AKT3: variants seen among roughly 807,000 people sequenced by gnomAD.
AKT3 encodes RAC-gamma serine/threonine-protein kinase.
Under a neutral mutation model 65.3 loss-of-function variants are expected in AKT3, and 15 were observed. The observed-to-expected ratio is 0.23, with a 90% CI of 0.15 to 0.35. AKT3 has a LOEUF of 0.35. Among genes scored for constraint, AKT3 ranks in the 10% least tolerant of loss-of-function variants. The probability of loss-of-function intolerance (pLI) is 1.00; values close to 1 mark genes in which losing one functional copy is unlikely to be tolerated. For missense variants in AKT3, 243 were observed against 576.5 expected (o/e 0.42, Z 5.92); for synonymous variants, 206 against 183.8 (o/e 1.12, Z -0.98).
chr1:243,504,078 T>C lies in AKT3; in HGVS notation c.*1171A>G, dbSNP rs1669513641. On this transcript the variant is annotated 3_prime_UTR_variant, in exon 14 of 14. Coordinates refer to ENST00000673466, the MANE Select transcript of AKT3 (RefSeq NM_005465.7). Reference sequence around the variant, plus strand: ...CAATATATTCCATTTCAGAGCCTTATCATTTTTTTTAACAGAGGAGAAAAA... The same window carrying C: ...CAATATATTCCATTTCAGAGCCTTACCATTTTTTTTAACAGAGGAGAAAAA... 1 of 223,912 alleles carries C rather than the reference T, an allele frequency of 4.5e-6. No homozygotes were observed. The highest frequency in any genetic ancestry group is 8.9e-6 in the Non-Finnish European group (1 of 112,028). The allele number at this position is 223,912 out of a possible 1,614,324, so 13.9% of individuals were successfully genotyped here.
intron 2 of AKT3, among the ~76,000 whole-genome samples, chr1:243,730,662 G>A (rs1366260256): frequency 6.6e-6 from 1 of 152,210 alleles, no homozygotes; most frequent in African/African-American, 2.4e-5. Context: ...GCTGGGGTGA[G>A]GTGGTGGGAC....
At chr1:243,758,792 G>A (rs994376301) in intron 2 of AKT3, among the ~76,000 whole-genome samples, 5 of 152,152 alleles carry the variant, frequency 3.3e-5, no homozygotes, top group Non-Finnish European at 5.9e-5. Flanking sequence ...GACAGGAGGC[G>A]GAGCTTAGGT....
chr1:243,808,834 C>A (rs1358697406), intron 2 of AKT3, among the ~76,000 whole-genome samples: 1 of 152,162 alleles, frequency 6.6e-6, no homozygotes, highest in South Asian at 2.1e-4. Flanking sequence ...GCTGATCTCT[C>A]GGCAGAAACT....
In AKT3 at chr1:243,620,213, T is replaced by C. The variant is rs1283354188; in HGVS notation, c.562-5052A>G. Among the ~76,000 whole-genome samples the C allele has an allele frequency of 2.0e-5, 2 of 98,214 alleles. 1 individual carries two copies. Among genetic ancestry groups the C allele is most frequent in the Non-Finnish European group, 5.7e-5 (2 of 35,136 alleles). The allele number at this position is 98,214 out of a possible 152,430, so 64.4% of individuals were successfully genotyped here. On this transcript the variant is annotated intron_variant, in intron 6 of 13. Transcript: ENST00000673466. ...CAGTTCCTCTTCACACACTCGCCCT[T>C]TCTTCGCCTGATACCACACAAGACA...
chr1:243,767,959 T>TC (rs1224976383), intron 2 of AKT3, among the ~76,000 whole-genome samples: 1 of 151,820 alleles, frequency 6.6e-6, no homozygotes, highest in African/African-American at 2.4e-5. Context: ...TTCCATAGGA[T>TC]CAAAGCTTAG....
intron 2 of AKT3, among the ~76,000 whole-genome samples, chr1:243,784,860 A>G (rs756686292): frequency 1.2e-4 from 18 of 152,046 alleles, no homozygotes; most frequent in Admixed American, 2.6e-4. Flanking sequence ...GCCTGGGCTC[A>G]AGGGATCCTC....
chr1:243,565,477 A>G (rs1674088643), intron 9 of AKT3, among the ~76,000 whole-genome samples: 1 of 152,168 alleles, frequency 6.6e-6, no homozygotes, highest in South Asian at 2.1e-4. Flanking sequence ...CACCCACCTC[A>G]GCCTCTCAAA....
intron 2 of AKT3, chr1:243,734,960 G>A (rs1042127041): frequency 1.3e-5 from 2 of 152,054 alleles, no homozygotes; most frequent in Non-Finnish European, 2.9e-5. Context: ...AGACCTACAC[G>A]GGGTCAGGAT....
intron 3 of AKT3, among the ~76,000 whole-genome samples, chr1:243,690,615 A>G (rs1453301727): frequency 1.3e-5 from 2 of 152,096 alleles, no homozygotes; most frequent in East Asian, 1.9e-4. Flanking sequence ...TCCACATTCT[A>G]CAGGCCTTGT....
At chr1:243,664,008 G>A (rs962449051) in intron 4 of AKT3, among the ~76,000 whole-genome samples, 12 of 151,870 alleles carry the variant, frequency 7.9e-5, no homozygotes, top group African/African-American at 7.3e-5. Context: ...CCTCTCTCCC[G>A]CTCCTTAGAC....
At chr1:243,787,843 C>T (rs1691361141) in intron 2 of AKT3, among the ~76,000 whole-genome samples, 1 of 152,074 alleles carries the variant, frequency 6.6e-6, no homozygotes, top group African/African-American at 2.4e-5. Flanking sequence ...CAGCTACTGT[C>T]CTAGGTGTTC....
At chr1:243,683,824 A>C (rs1684089068) in intron 3 of AKT3, among the ~76,000 whole-genome samples, 1 of 152,172 alleles carries the variant, frequency 6.6e-6, no homozygotes, top group Non-Finnish European at 1.5e-5. Context: ...TCCACCTCTC[A>C]ATAAAGCAGT....
At chr1:243,829,647 C>CAAAGAAATGTA (rs1694379381) in intron 2 of AKT3, among the ~76,000 whole-genome samples, 1 of 151,888 alleles carries the variant, frequency 6.6e-6, no homozygotes, top group Admixed American at 6.6e-5. Context: ...ACCTCAGTAA[C>CAAAGAAATGTA]AAAGAAATGT....
chr1:243,695,650 TATCCTATGAATGAGCC>T lies in AKT3; in HGVS notation c.97_112del (p.Gly33IlefsTer24), dbSNP rs1039606573. On this transcript the variant is annotated frameshift_variant, in exon 3 of 14. Transcript: ENST00000673466. LOFTEE classifies it high-confidence loss of function. ...ATCCACATCTTGAGGTTTCTCTTTA[TATCCTATGAATGAGCC>T]ATCTGTCTTCAAAAGGAAGTATCTT... 6.2e-7 allele frequency: 1 copy of T among 1,608,724 alleles called. No homozygotes were observed. The highest frequency in any genetic ancestry group is 8.5e-7 in the Non-Finnish European group (1 of 1,176,806).
chr1:243,648,681 G>A (rs190508946), intron 4 of AKT3, among the ~76,000 whole-genome samples: 12 of 152,202 alleles, frequency 7.9e-5, no homozygotes, highest in East Asian at 1.9e-4. Context: ...TTGACAGAAC[G>A]CACCAATAAG....
In AKT3 at chr1:243,499,828, T is replaced by G. The variant is rs1372096004; in HGVS notation, c.*5421A>C. 6.3e-7 allele frequency: 1 copy of G among 1,589,780 alleles called. No homozygotes were observed. The highest frequency in any genetic ancestry group is 8.6e-7 in the Non-Finnish European group (1 of 1,159,422). ...GAAATAAATGATTTACAAAGAGATA[T>G]TTACATTCATCTGGTTTAGACTTAA... On this transcript the variant is annotated 3_prime_UTR_variant, in exon 14 of 14. Coordinates refer to ENST00000673466, the MANE Select transcript of AKT3 (RefSeq NM_005465.7).
At chr1:243,700,115 C>G (rs901174824) in intron 2 of AKT3, among the ~76,000 whole-genome samples, 1 of 152,188 alleles carries the variant, frequency 6.6e-6, no homozygotes, top group African/African-American at 2.4e-5. Context: ...CTAGGAAATA[C>G]AGCTCCTAAA....
intron 13 of AKT3, among the ~76,000 whole-genome samples, chr1:243,508,070 C>G (rs1669780596): frequency 6.6e-6 from 1 of 152,132 alleles, no homozygotes; most frequent in Non-Finnish European, 1.5e-5. Context: ...GGACTTTTAT[C>G]AACAAAACCT....
At chr1:243,568,588 T>C (rs10927041) in intron 9 of AKT3, among the ~76,000 whole-genome samples, 34,040 of 152,122 alleles carry the variant, frequency 0.22, 4,073 homozygotes, top group African/African-American at 0.29. Flanking sequence ...TTTAAATCTT[T>C]TTTCCTGTGC....
Sources: gnomAD v4.1 joint callset for allele counts (sites outside exome capture counted in the v4.1 genomes callset) on GRCh38, gnomAD v4.1.1 for gene constraint, MANE v1.5 for transcripts, NCBI Gene and HGNC (gene_info 2026-07-23, HGNC 2026-07-21) for gene names.